Variants in ELMO1 observed in about 807,000 individuals in gnomAD.
ELMO1 encodes engulfment and cell motility 1, also known as engulfment and cell motility protein 1.
A neutral mutation model predicts 98.9 loss-of-function variants in ELMO1; 26 were observed. The observed-to-expected ratio is 0.26, with a 90% CI of 0.19 to 0.36. The LOEUF (loss-of-function observed/expected upper bound fraction) is 0.36, where lower values mean the gene tolerates loss of function less well. Ranked by LOEUF, ELMO1 falls within the 10% of genes least tolerant of loss-of-function variation. The probability of loss-of-function intolerance (pLI) is 1.00; values close to 1 mark genes in which losing one functional copy is unlikely to be tolerated. For synonymous variants in ELMO1, 346 were observed against 346.0 expected, an observed-to-expected ratio of 1.00 and a Z score of 0.00; for missense variants, 627 against 935.2, an observed-to-expected ratio of 0.67 and a Z score of 4.30.
intron 1 of ELMO1, among the ~76,000 whole-genome samples, chr7:37,373,259 C>T (rs903990554): frequency 3.9e-5 from 6 of 152,202 alleles, no homozygotes; most frequent in African/African-American, 1.2e-4. Flanking sequence ...TCAATTTACA[C>T]TTCTGTAGTA....
chr7:37,079,080 T>G (rs1008828393), intron 15 of ELMO1, among the ~76,000 whole-genome samples: 89 of 152,200 alleles, frequency 5.8e-4, no homozygotes, highest in African/African-American at 2.1e-3. Flanking sequence ...TGGTAGACAC[T>G]TGGCTAAGGA....
intron 4 of ELMO1, among the ~76,000 whole-genome samples, chr7:37,279,509 G>T (rs1232205228): frequency 1.3e-5 from 2 of 152,188 alleles, no homozygotes; most frequent in African/African-American, 4.8e-5. Context: ...CAAATACTGT[G>T]AGTGCCCCAA....
chr7:37,086,332 G>C (rs1437328326), intron 15 of ELMO1, among the ~76,000 whole-genome samples: 12 of 85,614 alleles, frequency 1.4e-4, no homozygotes, highest in East Asian at 3.2e-4. Context: ...ATACATGACT[G>C]TGTGTGTGTG....
At chr7:37,186,868 A>G (rs905376280) in intron 13 of ELMO1, among the ~76,000 whole-genome samples, 3 of 152,192 alleles carry the variant, frequency 2.0e-5, no homozygotes, top group Non-Finnish European at 4.4e-5. Flanking sequence ...GAGCATATAC[A>G]TTGGTGCAAG....
intron 1 of ELMO1, among the ~76,000 whole-genome samples, chr7:37,444,519 A>C (rs1031681830): frequency 1.3e-5 from 2 of 148,258 alleles, no homozygotes; most frequent in Admixed American, 1.3e-4. Context: ...AAATAGTGGC[A>C]TTTTTTTTTT....
chr7:37,125,857 T>C (rs1786472500), intron 14 of ELMO1, among the ~76,000 whole-genome samples: 2 of 152,212 alleles, frequency 1.3e-5, no homozygotes. Flanking sequence ...CGTATGTTTA[T>C]TGTGGCACTA....
chr7:37,319,471 G>A lies in ELMO1; in HGVS notation c.79-3511C>T, dbSNP rs185578215. Among the ~76,000 whole-genome samples the A allele has an allele frequency of 3.3e-5, 5 of 152,210 alleles. No individual in the cohort carries two copies. In the East Asian group the frequency reaches 9.7e-4, roughly 29 times the overall value. On this transcript the variant is annotated intron_variant, in intron 2 of 21. Coordinates refer to ENST00000310758, the MANE Select transcript of ELMO1 (RefSeq NM_014800.11). ...TCATTCCAACTCCTGCCATCAAATA[G>A]ATCTTTGAGCGTACACCCCAATCTC...
At chr7:37,082,237 G>A (rs1305489174) in intron 15 of ELMO1, among the ~76,000 whole-genome samples, 1 of 152,164 alleles carries the variant, frequency 6.6e-6, no homozygotes, top group Non-Finnish European at 1.5e-5. Flanking sequence ...CCCAGAGGAT[G>A]CTTGCATGGG....
At position 37,017,112 on chromosome 7, in the gene ELMO1, C is replaced by G. The variant is rs138954689; in HGVS notation, c.1301-3677G>C. On this transcript the variant is annotated intron_variant, in intron 15 of 21. Coordinates refer to ENST00000310758, the MANE Select transcript of ELMO1 (RefSeq NM_014800.11). ...TACTTGTGGCTTACATGGAGTTAGA[C>G]TGGAATACCAGGGTTACGCTCCCCT... 2.2e-3 allele frequency among the ~76,000 whole-genome samples: 342 copies of G among 152,312 alleles called. 1 individual carries two copies. The highest frequency in any genetic ancestry group is 4.2e-3 in the East Asian group (22 of 5,178).
intron 16 of ELMO1, among the ~76,000 whole-genome samples, chr7:36,916,214 T>C (rs1179814445): frequency 6.6e-6 from 1 of 152,178 alleles, no homozygotes; most frequent in East Asian, 1.9e-4. Context: ...GGTAATTCTT[T>C]TGGTGTTAAC....
At chr7:37,164,179 G>A (rs968609741) in intron 13 of ELMO1, among the ~76,000 whole-genome samples, 4 of 152,220 alleles carry the variant, frequency 2.6e-5, no homozygotes, top group East Asian at 3.9e-4. Context: ...ACTTTTTCAT[G>A]GGGTTGTTTG....
At chr7:37,160,510 G>A (rs996653404) in intron 13 of ELMO1, among the ~76,000 whole-genome samples, 2 of 152,156 alleles carry the variant, frequency 1.3e-5, no homozygotes, top group African/African-American at 2.4e-5. Flanking sequence ...ACCCTGATGT[G>A]AAGAAGCTTT....
intron 1 of ELMO1, among the ~76,000 whole-genome samples, chr7:37,364,394 T>C (rs567915262): frequency 2.6e-5 from 4 of 152,222 alleles, no homozygotes; most frequent in Non-Finnish European, 5.9e-5. Flanking sequence ...TTGAAACATA[T>C]TTATTCTTAA....
chr7:37,102,156 AG>A (rs1200607422), intron 14 of ELMO1, among the ~76,000 whole-genome samples: 1 of 152,176 alleles, frequency 6.6e-6, no homozygotes, highest in African/African-American at 2.4e-5. Context: ...GACCTACCCC[AG>A]GGTCAAAGAA....
intron 16 of ELMO1, among the ~76,000 whole-genome samples, chr7:36,922,335 A>G (rs1785211725): frequency 7.0e-6 from 1 of 142,592 alleles, no homozygotes; most frequent in East Asian, 2.1e-4. Flanking sequence ...AAAGGCAGAT[A>G]TCACAGACTT....
At chr7:37,113,314 G>T (rs76469838) in intron 14 of ELMO1, among the ~76,000 whole-genome samples, 5 of 152,196 alleles carry the variant, frequency 3.3e-5, no homozygotes, top group Non-Finnish European at 7.3e-5. Flanking sequence ...CTGGGGTACC[G>T]CAGTGACACC....
intron 16 of ELMO1, among the ~76,000 whole-genome samples, chr7:36,916,195 T>C (rs1235849863): frequency 6.6e-6 from 1 of 152,050 alleles, no homozygotes; most frequent in Non-Finnish European, 1.5e-5. Flanking sequence ...AGGCAGGAGG[T>C]TTAATTTAGG....
chr7:37,150,486 G>A (rs1788286603), intron 13 of ELMO1, among the ~76,000 whole-genome samples: 1 of 151,792 alleles, frequency 6.6e-6, no homozygotes, highest in African/African-American at 2.4e-5. Flanking sequence ...TCGACTGTAG[G>A]GAACACTATG....
intron 13 of ELMO1, among the ~76,000 whole-genome samples, chr7:37,189,654 A>G (rs1791454080): frequency 6.6e-6 from 1 of 152,212 alleles, no homozygotes; most frequent in Non-Finnish European, 1.5e-5. Flanking sequence ...AGCTTAAGCA[A>G]TGATCTCCCA....
Sources: allele counts gnomAD v4.1 joint callset (sites outside exome capture counted in the v4.1 genomes callset), GRCh38; gene constraint gnomAD v4.1.1; transcripts MANE v1.5; gene names NCBI Gene and HGNC (gene_info 2026-07-23, HGNC 2026-07-21).